The following TAGLN3 variants were observed in gnomAD, a reference collection of about 807,000 sequenced individuals.
The protein encoded by TAGLN3 is transgelin-3.
A neutral mutation model predicts 25.4 loss-of-function variants in TAGLN3; 12 were observed. The ratio of observed to expected loss-of-function variants is 0.47; its 90% CI spans 0.30 to 0.77. The LOEUF is 0.77. Among genes scored for constraint, TAGLN3 ranks in the 30% least tolerant of loss-of-function variants. The pLI, the probability that TAGLN3 is intolerant of heterozygous loss-of-function variation, is 0.06. For missense variants in TAGLN3, 218 were observed against 255.8 expected, an observed-to-expected ratio of 0.85 and a Z score of 1.01; for synonymous variants, 96 against 94.8, an observed-to-expected ratio of 1.01 and a Z score of -0.08.
At chr3:112,004,959 A>G (rs1422995679) in intron 3 of TAGLN3, among the ~76,000 whole-genome samples, 1 of 152,098 alleles carries the variant, frequency 6.6e-6, no homozygotes, top group Non-Finnish European at 1.5e-5. Flanking sequence ...TTTAGGCATC[A>G]CTTTATTGAC....
chr3:112,013,556 C>G lies in TAGLN3; in HGVS notation c.*5C>G, dbSNP rs1381490076. On this transcript the variant is annotated 3_prime_UTR_variant, in exon 5 of 5. Coordinates refer to ENST00000478951, the MANE Select transcript of TAGLN3 (RefSeq NM_001008272.2). The stretch of plus-strand genomic sequence containing the variant: ...ATGCCCAGGCAGATCATGTAGGACG[C>G]GGCATCCTGCCCCTGGTAGAGAGGA... 6.2e-7 allele frequency: 1 copy of G among 1,614,090 alleles called. No individual in the cohort carries two copies. The highest frequency in any genetic ancestry group is 1.7e-5 in the Admixed American group (1 of 60,024).
In TAGLN3 at chr3:112,013,628, C is replaced by T. The variant is rs767832040; in HGVS notation, c.*77C>T. The T allele has an allele frequency of 3.8e-6, 6 of 1,588,912 alleles. No homozygotes were observed. The East Asian group carries it at 1.1e-4, about 30-fold the overall frequency. ...TCTACGAAAAAGAAATAGTTAGTCACCTTCTGACCTTCTCCTCTTTCTCAA... is the reference window on the plus strand; with the variant it reads ...TCTACGAAAAAGAAATAGTTAGTCATCTTCTGACCTTCTCCTCTTTCTCAA... On this transcript the variant is annotated 3_prime_UTR_variant, in exon 5 of 5. Coordinates refer to ENST00000478951, the MANE Select transcript of TAGLN3 (RefSeq NM_001008272.2).
At position 111,999,602 on chromosome 3, in the gene TAGLN3, G is replaced by C. The variant is rs1474936868; in HGVS notation, c.180G>C (p.Thr60=). Reference sequence around the variant, plus strand: ...TTCAGAAATGGTTAATGGACGGGACGGTAAGGCCGGCAGCGATCTCGGTTG... The same window carrying C: ...TTCAGAAATGGTTAATGGACGGGACCGTAAGGCCGGCAGCGATCTCGGTTG... ...AHFQKWLMDG[T]VLCKLINSLY... is the part of the protein sequence containing the mutation. Residue 60 remains threonine (T), a splice_region_variant and synonymous_variant, in exon 2 of 5, where the codon ACG becomes ACC. Transcript: ENST00000478951. The C allele has an allele frequency of 1.9e-6, 3 of 1,612,508 alleles. No homozygotes were observed. The highest frequency in any genetic ancestry group is 2.5e-6 in the Non-Finnish European group (3 of 1,178,854).
chr3:112,011,109 C>T (rs2072971026), intron 3 of TAGLN3, among the ~76,000 whole-genome samples: 1 of 152,216 alleles, frequency 6.6e-6, no homozygotes, highest in Admixed American at 6.5e-5. Flanking sequence ...AGGCCACCCC[C>T]TCAGTAGCAT....
chr3:112,003,496 G>A (rs1406164103), intron 3 of TAGLN3, among the ~76,000 whole-genome samples: 3 of 152,144 alleles, frequency 2.0e-5, no homozygotes, highest in South Asian at 2.1e-4. Context: ...GGAATGCTGC[G>A]GGGCAGGGTT....
At chr3:112,006,559 A>T (rs6773379) in intron 3 of TAGLN3, among the ~76,000 whole-genome samples, 1 of 152,056 alleles carries the variant, frequency 6.6e-6, no homozygotes, top group African/African-American at 2.4e-5. Flanking sequence ...GGAAAAATCC[A>T]GTATTCTAAG....
Position 112,000,930 on chromosome 3 carries a change from G to C in TAGLN3, c.339G>C (p.Thr113=). ...YGVRTTDIFQ[T]VDLWEGKDMA... is the part of the protein sequence containing the mutation. Reference sequence around the variant, plus strand: ...TCAGAACCACCGACATCTTTCAGACGGTGGATCTATGGGAAGGTAAACAGC... The same window carrying C: ...TCAGAACCACCGACATCTTTCAGACCGTGGATCTATGGGAAGGTAAACAGC... Residue 113 remains threonine, a synonymous_variant, in exon 3 of 5, where the codon ACG becomes ACC. Transcript: ENST00000478951. 1 of 1,613,910 alleles carries C rather than the reference G, an allele frequency of 6.2e-7. No individual in the cohort carries two copies. Among genetic ancestry groups the C allele is most frequent in the South Asian group, 1.1e-5 (1 of 91,048 alleles).
At chr3:112,011,946 G>C (rs987909637) in intron 4 of TAGLN3, 81 bp downstream of exon 4, 5 of 1,313,528 alleles carry the variant, frequency 3.8e-6, no homozygotes, top group African/African-American at 1.5e-5. Flanking sequence ...ACTCTACAGA[G>C]GCTTTATGTG....
At chr3:112,006,414 T>C (rs961189027) in intron 3 of TAGLN3, among the ~76,000 whole-genome samples, 1 of 152,146 alleles carries the variant, frequency 6.6e-6, no homozygotes, top group Non-Finnish European at 1.5e-5. Flanking sequence ...ACCCCTGATA[T>C]TTCTCCCTTG....
At chr3:112,000,531 G>A (rs1218949307) in intron 2 of TAGLN3, 4 of 387,806 alleles carry the variant, frequency 1.0e-5, no homozygotes, top group Non-Finnish European at 1.4e-5. Context: ...AGGGAATGGC[G>A]CTCCCAGGCT....
In TAGLN3 at chr3:112,002,538, G is replaced by T. The variant is rs150263427; in HGVS notation, c.355+1592G>T. Among the ~76,000 whole-genome samples the T allele has an allele frequency of 4.6e-5, 7 of 152,258 alleles. No individual in the cohort carries two copies. In the East Asian group the frequency reaches 1.4e-3, roughly 30 times the overall value. On this transcript the variant is annotated intron_variant, in intron 3 of 4. Coordinates refer to ENST00000478951, the MANE Select transcript of TAGLN3 (RefSeq NM_001008272.2). ...ATCATAATGGTGACTAGGTGATGAG[G>T]ATGAAGAGGAGGTGGGGGAGGAGGT...
At chr3:112,003,022 G>A (rs1215589743) in intron 3 of TAGLN3, among the ~76,000 whole-genome samples, 3 of 152,266 alleles carry the variant, frequency 2.0e-5, no homozygotes, top group African/African-American at 4.8e-5. Flanking sequence ...CCCAGCCCTA[G>A]GGTAGAAAAA....
rs1252561391 is a variant in TAGLN3, at chr3:112,000,932, TG to T, written c.343del (p.Asp115IlefsTer15). ...AGAACCACCGACATCTTTCAGACGG[TG>T]GATCTATGGGAAGGTAAACAGCCCC... ...GVRTTDIFQT[V>X]DLWEGKDMAA... is the part of the protein sequence containing the mutation. On this transcript the variant is annotated frameshift_variant, in exon 3 of 5. Transcript: ENST00000478951. LOFTEE classifies it high-confidence loss of function. 1.2e-6 allele frequency: 2 copies of T among 1,613,994 alleles called. No individual in the cohort carries two copies. Among genetic ancestry groups the T allele is most frequent in the Admixed American group, 3.3e-5 (2 of 60,020 alleles).
chr3:111,999,930 T>C (rs1361277583), intron 2 of TAGLN3, among the ~76,000 whole-genome samples: 1 of 152,314 alleles, frequency 6.6e-6, no homozygotes, highest in Middle Eastern at 3.4e-3. Context: ...TCAGCTCTTC[T>C]GGGGCCATTT....
At chr3:112,002,651 C>CA (rs1461988224) in intron 3 of TAGLN3, among the ~76,000 whole-genome samples, 1 of 150,702 alleles carries the variant, frequency 6.6e-6, no homozygotes, top group Non-Finnish European at 1.5e-5. Context: ...AGTCCCCCCC[C>CA]CACCCCACAA....
chr3:112,011,636 C>A, intron 3 of TAGLN3, 127 bp from the exon 4 acceptor site: 1 of 810,906 alleles, frequency 1.2e-6, no homozygotes, highest in Non-Finnish European at 1.9e-6. Context: ...TTTGATAGCA[C>A]TGCTCCCTTG....
intron 2 of TAGLN3, 88 bp from the exon 3 acceptor site, chr3:112,000,684 G>T: frequency 7.0e-7 from 1 of 1,427,120 alleles, no homozygotes. Flanking sequence ...TGGATGAGCA[G>T]TGTCCCACGT....
In TAGLN3 at chr3:112,000,667, C is replaced by T. The variant is rs1196567830; in HGVS notation, c.181-105C>T. 6 of 1,320,890 alleles carry T rather than the reference C, an allele frequency of 4.5e-6. No individual in the cohort carries two copies. In the East Asian group the frequency reaches 1.4e-4, roughly 31 times the overall value. The allele number at this position is 1,320,890 out of a possible 1,614,324, so 81.8% of individuals were successfully genotyped here. On this transcript the variant is annotated intron_variant, in intron 2 of 4. Transcript: ENST00000478951. ...TCCTAGGGCCCATGACTTGCTCCTG[C>T]CCAAACTGGATGAGCAGTGTCCCAC... is the stretch of plus-strand genomic sequence containing the variant.
At chr3:112,005,303 A>G (rs998244056) in intron 3 of TAGLN3, among the ~76,000 whole-genome samples, 3 of 152,222 alleles carry the variant, frequency 2.0e-5, no homozygotes, top group African/African-American at 7.2e-5. Flanking sequence ...ACTATTAGTC[A>G]TTCAGCAACT....
Sources: gnomAD v4.1 joint callset for allele counts (sites outside exome capture counted in the v4.1 genomes callset) on GRCh38, gnomAD v4.1.1 for gene constraint, MANE v1.5 for transcripts, NCBI Gene and HGNC (gene_info 2026-07-23, HGNC 2026-07-21) for gene names.